PARD3: variants seen among roughly 807,000 people sequenced by gnomAD.
PARD3 encodes par-3 family cell polarity regulator.
Under a neutral mutation model 155.4 loss-of-function variants are expected in PARD3, and 75 were observed. That is an observed-to-expected ratio of 0.48 (90% CI 0.40 to 0.58). The LOEUF (loss-of-function observed/expected upper bound fraction) is 0.58. PARD3 is among the 20% of genes least tolerant of loss of function. The pLI is 0.00. For synonymous variants in PARD3, 576 were observed against 610.5 expected (o/e 0.94, Z 0.83); for missense variants, 1,642 against 1,721.7 (o/e 0.95, Z 0.82).
intron 2 of PARD3, among the ~76,000 whole-genome samples, chr10:34,685,269 T>C (rs560694165): frequency 1.3e-5 from 2 of 152,314 alleles, no homozygotes; most frequent in Admixed American, 1.3e-4. Context: ...GTAAGTAGGA[T>C]TTATGATAAG....
intron 2 of PARD3, among the ~76,000 whole-genome samples, chr10:34,528,308 T>C (rs2082613243): frequency 6.6e-6 from 1 of 152,218 alleles, no homozygotes; most frequent in Non-Finnish European, 1.5e-5. Flanking sequence ...CCAAACCCTC[T>C]ACTTGCCTTC....
chr10:34,640,981 A>T (rs2092661230), intron 2 of PARD3, among the ~76,000 whole-genome samples: 1 of 152,190 alleles, frequency 6.6e-6, no homozygotes, highest in Non-Finnish European at 1.5e-5. Flanking sequence ...TCAAGAAATA[A>T]ATCCAAATTA....
Position 34,307,828 on chromosome 10 carries a change from G to A in PARD3, c.3065+9279C>T, listed in dbSNP as rs375589170. Among the ~76,000 whole-genome samples the A allele has an allele frequency of 2.0e-5, 3 of 152,272 alleles. No homozygotes were observed. In the East Asian group the frequency reaches 5.8e-4, roughly 29 times the overall value. The stretch of plus-strand genomic sequence containing the variant: ...GCCAGGGATACAGCAGGGGAAAAAT[G>A]GGTTAACATTCTCTGTCAATGTCAA... On this transcript the variant is annotated intron_variant, in intron 20 of 24. Transcript: ENST00000374788.
chr10:34,303,955 A>G (rs951257469), intron 20 of PARD3, among the ~76,000 whole-genome samples: 8 of 152,300 alleles, frequency 5.3e-5, no homozygotes, highest in African/African-American at 1.9e-4. Flanking sequence ...TAGAGGTACA[A>G]GGTGGCATGC....
intron 2 of PARD3, among the ~76,000 whole-genome samples, chr10:34,546,322 T>A (rs1251056064): frequency 1.3e-5 from 2 of 151,904 alleles, no homozygotes; most frequent in Non-Finnish European, 2.9e-5. Context: ...TCGAGACCAG[T>A]CTGTCCAACA....
intron 2 of PARD3, among the ~76,000 whole-genome samples, chr10:34,599,950 C>T (rs1346039199): frequency 6.6e-6 from 1 of 152,082 alleles, no homozygotes; most frequent in Non-Finnish European, 1.5e-5. Context: ...AACCTTTCCT[C>T]TAGGCTCATG....
At chr10:34,250,560 T>C (rs1954245779) in intron 22 of PARD3, among the ~76,000 whole-genome samples, 1 of 151,998 alleles carries the variant, frequency 6.6e-6, no homozygotes, top group Non-Finnish European at 1.5e-5. Flanking sequence ...ATGTATGTAG[T>C]TGACCCAGGT....
intron 3 of PARD3, among the ~76,000 whole-genome samples, chr10:34,508,550 A>G (rs1305999341): frequency 1.3e-5 from 2 of 152,206 alleles, no homozygotes; most frequent in Non-Finnish European, 2.9e-5. Flanking sequence ...AAGGAAAAAA[A>G]AAATCATAGA....
intron 12 of PARD3, among the ~76,000 whole-genome samples, chr10:34,371,649 A>G (rs573043249): frequency 6.6e-6 from 1 of 152,098 alleles, no homozygotes; most frequent in African/African-American, 2.4e-5. Flanking sequence ...TTCTTTAGTC[A>G]ACAATGTAAA....
chr10:34,144,992 T>G (rs1948386131), intron 22 of PARD3, among the ~76,000 whole-genome samples: 1 of 151,922 alleles, frequency 6.6e-6, no homozygotes, highest in Non-Finnish European at 1.5e-5. Flanking sequence ...ACTAAAATAT[T>G]TTGCGTTTGC....
chr10:34,330,335 A>G (rs570694754), intron 19 of PARD3, among the ~76,000 whole-genome samples: 2 of 152,250 alleles, frequency 1.3e-5, no homozygotes, highest in East Asian at 1.9e-4. Context: ...ATTTGTACCT[A>G]TCTATAAATT....
chr10:34,660,372 G>A lies in PARD3; in HGVS notation c.222+35946C>T, dbSNP rs554893479. Among the ~76,000 whole-genome samples the A allele has an allele frequency of 3.3e-5, 5 of 152,202 alleles. 1 individual carries two copies. The highest frequency in any genetic ancestry group is 1.2e-4 in the African/African-American group (5 of 41,520). On this transcript the variant is annotated intron_variant, in intron 2 of 24. Coordinates refer to ENST00000374788, the MANE Select transcript of PARD3 (RefSeq NM_001184785.2). The stretch of plus-strand genomic sequence containing the variant: ...CTAGATAAATACTTACATTATCTAT[G>A]CTTATTTTTCTCTAAAAAGGGGCAA...
intron 10 of PARD3, among the ~76,000 whole-genome samples, chr10:34,377,346 C>T (rs954486333): frequency 6.6e-6 from 1 of 152,160 alleles, no homozygotes; most frequent in African/African-American, 2.4e-5. Flanking sequence ...TGAGGGCTAA[C>T]GTCTGTAATC....
At chr10:34,140,848 A>T (rs1300208172) in intron 22 of PARD3, among the ~76,000 whole-genome samples, 1 of 152,196 alleles carries the variant, frequency 6.6e-6, no homozygotes, top group African/African-American at 2.4e-5. Context: ...TTAATTATGC[A>T]TGCAAAGTTA....
chr10:34,672,524 A>AC (rs1337536177), intron 2 of PARD3, among the ~76,000 whole-genome samples: 5 of 152,202 alleles, frequency 3.3e-5, no homozygotes, highest in African/African-American at 1.2e-4. Flanking sequence ...TTGTATTAAT[A>AC]AACACATGAA....
chr10:34,134,318 T>C lies in PARD3; in HGVS notation c.3420-2735A>G, dbSNP rs139671365. On this transcript the variant is annotated intron_variant, in intron 22 of 24. Coordinates refer to ENST00000374788, the MANE Select transcript of PARD3 (RefSeq NM_001184785.2). ...TTCCTGGCATACTTTATAGCTTTTA[T>C]GGGAGGATTATAGGAGGTTTGACTG... Among the ~76,000 whole-genome samples, 765 of 152,334 alleles carry C rather than the reference T, an allele frequency of 5.0e-3. 3 individuals carry two copies. The highest frequency in any genetic ancestry group is 0.017 in the African/African-American group (686 of 41,574).
At chr10:34,407,972 A>G (rs918293788) in intron 5 of PARD3, among the ~76,000 whole-genome samples, 7 of 152,230 alleles carry the variant, frequency 4.6e-5, no homozygotes, top group Non-Finnish European at 1.0e-4. Context: ...AAATGTTTAC[A>G]AAACAAGAAA....
At chr10:34,614,816 C>A (rs923786660) in intron 2 of PARD3, among the ~76,000 whole-genome samples, 3 of 152,038 alleles carry the variant, frequency 2.0e-5, no homozygotes, top group Non-Finnish European at 4.4e-5. Context: ...CCACAAAAGA[C>A]CTCAAATAGC....
chr10:34,683,118 C>G (rs914404473), intron 2 of PARD3, among the ~76,000 whole-genome samples: 2 of 152,022 alleles, frequency 1.3e-5, no homozygotes, highest in Admixed American at 6.6e-5. Flanking sequence ...AAGCCAACAC[C>G]CTAAGTGAAA....
Sources: gnomAD v4.1 joint callset for allele counts (sites outside exome capture counted in the v4.1 genomes callset) on GRCh38, gnomAD v4.1.1 for gene constraint, MANE v1.5 for transcripts, NCBI Gene and HGNC (gene_info 2026-07-23, HGNC 2026-07-21) for gene names.